Variants in HECTD2 observed in about 807,000 individuals in gnomAD.
HECTD2 encodes the protein HECT domain E3 ubiquitin protein ligase 2.
A neutral mutation model predicts 103.2 loss-of-function variants in HECTD2; 35 were observed. The observed-to-expected ratio is 0.34, with a 90% CI of 0.26 to 0.45. The LOEUF (loss-of-function observed/expected upper bound fraction) is 0.45. Among genes scored for constraint, HECTD2 ranks in the 20% least tolerant of loss-of-function variants. The pLI, the probability that HECTD2 is intolerant of heterozygous loss-of-function variation, is 1.00. For missense variants in HECTD2, 596 were observed against 937.4 expected (o/e 0.64, Z 4.76); for synonymous variants, 281 against 329.9 (o/e 0.85, Z 1.61).
At chr10:91,502,500 A>G (rs1846942386) in intron 20 of HECTD2, among the ~76,000 whole-genome samples, 1 of 152,220 alleles carries the variant, frequency 6.6e-6, no homozygotes, top group Non-Finnish European at 1.5e-5. Context: ...TATGCCTTAT[A>G]CATATTTGTA....
intron 2 of HECTD2, among the ~76,000 whole-genome samples, chr10:91,435,529 A>G (rs2133085463): frequency 6.6e-6 from 1 of 152,140 alleles, no homozygotes; most frequent in East Asian, 1.9e-4. Context: ...GATGACAAGT[A>G]TCAACATTGC....
At chr10:91,486,221 C>T (rs546046109) in intron 10 of HECTD2, 1 of 152,234 alleles carries the variant, frequency 6.6e-6, no homozygotes, top group Non-Finnish European at 1.5e-5. Flanking sequence ...GGCTTCTGGA[C>T]ACATCTCATT....
chr10:91,435,757 G>A (rs1010550601), intron 2 of HECTD2, among the ~76,000 whole-genome samples: 7 of 151,950 alleles, frequency 4.6e-5, no homozygotes, highest in African/African-American at 1.4e-4. Flanking sequence ...ACTCGGTCTA[G>A]CAGCTTCATG....
At chr10:91,423,829 A>G (rs1008947292) in intron 1 of HECTD2, among the ~76,000 whole-genome samples, 1 of 152,152 alleles carries the variant, frequency 6.6e-6, no homozygotes, top group African/African-American at 2.4e-5. Context: ...TCTGTGATGA[A>G]CTTCTAGTCC....
In HECTD2 at chr10:91,460,505, A is replaced by T. The variant is rs763792046; in HGVS notation, c.347A>T (p.Lys116Met). The T allele has an allele frequency of 6.2e-7, 1 of 1,612,800 alleles. No individual in the cohort carries two copies. The highest frequency in any genetic ancestry group is 8.5e-7 in the Non-Finnish European group (1 of 1,179,326). The change falls in exon 3 of 21, where the codon AAG (lysine) becomes ATG (methionine). Residue 116 changes from lysine to methionine, a missense_variant. Lys to Met is a moderately conservative substitution (Grantham distance 95, BLOSUM62 -1). Around this residue, in one of 4 missense-constraint regions of HECTD2, gnomAD observed 220 missense variants for 233.9 expected, o/e 0.94. Coordinates refer to ENST00000298068, the MANE Select transcript of HECTD2 (RefSeq NM_182765.6). ...TSMDASSSEMKAPVLPEPILP... is the reference protein window; with the variant it reads ...TSMDASSSEMMAPVLPEPILP... ...ATGGATGCATCATCATCCGAAATGA[A>T]GGCCCCAGTCCTTCCAGAACCTATT...
chr10:91,439,581 A>C lies in HECTD2; in HGVS notation c.268+14171A>C, dbSNP rs562962713. 1.6e-4 allele frequency among the ~76,000 whole-genome samples: 25 copies of C among 152,234 alleles called. No individual in the cohort carries two copies. The South Asian group carries it at 5.0e-3, about 30-fold the overall frequency. On this transcript the variant is annotated intron_variant, in intron 2 of 20. Transcript: ENST00000298068. ...GGCTATACAGGCTCTTTTTGGTTCCACATGAAACGTAAAGTAGTTTTTTCT... is the reference window on the plus strand; with the variant it reads ...GGCTATACAGGCTCTTTTTGGTTCCCCATGAAACGTAAAGTAGTTTTTTCT...
intron 2 of HECTD2, among the ~76,000 whole-genome samples, chr10:91,431,965 G>A (rs1235390482): frequency 2.0e-5 from 3 of 151,876 alleles, no homozygotes; most frequent in Non-Finnish European, 2.9e-5. Flanking sequence ...ACTCTGACTC[G>A]ATGAGTAGAC....
chr10:91,424,321 A>G (rs993777261), intron 1 of HECTD2, among the ~76,000 whole-genome samples: 5 of 152,146 alleles, frequency 3.3e-5, no homozygotes, highest in East Asian at 1.9e-4. Flanking sequence ...TGCTTCTGCT[A>G]TATTATATGA....
intron 1 of HECTD2, among the ~76,000 whole-genome samples, chr10:91,421,886 A>C (rs1397305916): frequency 6.6e-6 from 1 of 152,102 alleles, no homozygotes; most frequent in African/African-American, 2.4e-5. Context: ...GGGTTTGTTC[A>C]TTTTCATTAT....
Position 91,484,524 on chromosome 10 carries a change from T to C in HECTD2, c.839T>C (p.Phe280Ser), listed in dbSNP as rs143927425. 1 of 1,606,356 alleles carries C rather than the reference T, an allele frequency of 6.2e-7. No homozygotes were observed. Among genetic ancestry groups the C allele is most frequent in the Non-Finnish European group, 8.5e-7 (1 of 1,177,604 alleles). The change falls in exon 9 of 21, where the codon TTC becomes TCC. Residue 280 changes from phenylalanine to serine, a missense_variant. Around this residue, in one of 4 missense-constraint regions of HECTD2, gnomAD observed 303 missense variants for 522.5 expected, o/e 0.58. Coordinates refer to ENST00000298068, the MANE Select transcript of HECTD2 (RefSeq NM_182765.6). ...TTTACCAGATTGTCCCAGAAGAGGT[T>C]CAAACAATTGGTAGAGAGATTGCTG... The part of the protein sequence containing the change: ...HWFKKLSQKR[F>S]KQLVERLLQF...
intron 1 of HECTD2, among the ~76,000 whole-genome samples, chr10:91,420,294 AAG>A (rs1471244814): frequency 6.6e-6 from 1 of 151,838 alleles, no homozygotes; most frequent in Non-Finnish European, 1.5e-5. Flanking sequence ...AAAAAAAAAA[AAG>A]AAAATCAGGC....
Position 91,487,579 on chromosome 10 carries a change from A to G in HECTD2, c.1095-103A>G. ...TTGTATATGGTAAAACACAATCCAA[A>G]AGTAATGTTTTATATTGCTACAAGG... On this transcript the variant is annotated intron_variant, in intron 10 of 20. Transcript: ENST00000298068. The surrounding 1 kb of genome is among the most constrained non-coding windows in gnomAD (Gnocchi z 4.1). 1 of 783,050 alleles carries G rather than the reference A, an allele frequency of 1.3e-6. No homozygotes were observed. The highest frequency in any genetic ancestry group is 2.3e-6 in the Non-Finnish European group (1 of 429,648). 48.5% of individuals were successfully genotyped at this position (783,050 alleles called of 1,614,324 possible).
chr10:91,440,154 G>A (rs1020493141), intron 2 of HECTD2, among the ~76,000 whole-genome samples: 2 of 151,580 alleles, frequency 1.3e-5, no homozygotes, highest in Non-Finnish European at 1.5e-5. Context: ...CTTGTCTTGT[G>A]TCAGTTTTAA....
intron 2 of HECTD2, among the ~76,000 whole-genome samples, chr10:91,435,062 T>TA (rs1844057503): frequency 6.6e-6 from 1 of 151,940 alleles, no homozygotes; most frequent in Non-Finnish European, 1.5e-5. Flanking sequence ...CAAAATGTGT[T>TA]ATACATGCAG....
At chr10:91,451,000 C>G (rs192402326) in intron 2 of HECTD2, among the ~76,000 whole-genome samples, 1 of 150,010 alleles carries the variant, frequency 6.7e-6, no homozygotes, top group African/African-American at 2.5e-5. Flanking sequence ...ACCTAGCAAT[C>G]CCGTTACTGG....
At chr10:91,429,045 G>A (rs1285746402) in intron 2 of HECTD2, among the ~76,000 whole-genome samples, 2 of 151,974 alleles carry the variant, frequency 1.3e-5, no homozygotes, top group African/African-American at 2.4e-5. Context: ...ATTTTGAAAT[G>A]TGTCCCATCA....
intron 20 of HECTD2, among the ~76,000 whole-genome samples, chr10:91,508,883 A>G (rs976558919): frequency 6.6e-6 from 1 of 152,034 alleles, no homozygotes; most frequent in African/African-American, 2.4e-5. Flanking sequence ...CCAAATGTCC[A>G]ACAATGATAG....
In HECTD2 at chr10:91,481,081, G is replaced by C. The variant is rs1192706438; in HGVS notation, c.666-13G>C. The C allele has an allele frequency of 2.1e-6, 3 of 1,411,416 alleles. No homozygotes were observed. The highest frequency in any genetic ancestry group is 3.0e-6 in the Non-Finnish European group (3 of 1,014,822). The allele number at this position is 1,411,416 out of a possible 1,614,324, so 87.4% of individuals were successfully genotyped here. On this transcript the variant is annotated splice_polypyrimidine_tract_variant and intron_variant, in intron 6 of 20. Coordinates refer to ENST00000298068, the MANE Select transcript of HECTD2 (RefSeq NM_182765.6). ...CATTCATCCATAATAAATTATTCTT[G>C]TTTCTTTTTCAGTCCACGAACAAAA...
intron 1 of HECTD2, among the ~76,000 whole-genome samples, chr10:91,414,710 G>A (rs967386461): frequency 3.3e-5 from 5 of 152,182 alleles, no homozygotes; most frequent in Non-Finnish European, 5.9e-5. Context: ...ATTTGGATAG[G>A]CAGAAGAAAG....
Sources: allele counts gnomAD v4.1 joint callset (sites outside exome capture counted in the v4.1 genomes callset), GRCh38; gene constraint gnomAD v4.1.1; regional missense constraint gnomAD v4.1.1; non-coding constraint Gnocchi (gnomAD v3.1); transcripts MANE v1.5; gene names NCBI Gene and HGNC (gene_info 2026-07-23, HGNC 2026-07-21).